SCN11A: variants seen among roughly 807,000 people sequenced by gnomAD.
The protein encoded by SCN11A is sodium voltage-gated channel alpha subunit 11, also known as sodium channel protein type 11 subunit alpha.
Under a neutral mutation model 162.2 loss-of-function variants are expected in SCN11A, and 122 were observed. That is an observed-to-expected ratio of 0.75 (90% CI 0.65 to 0.87). SCN11A has a LOEUF of 0.87. Among genes scored for constraint, SCN11A ranks in the 40% least tolerant of loss-of-function variants. The pLI, the probability that SCN11A is intolerant of heterozygous loss-of-function variation, is 0.00. For synonymous variants in SCN11A, 758 were observed against 751.5 expected, an observed-to-expected ratio of 1.01 and a Z score of -0.14; for missense variants, 2,015 against 2,181.6, an observed-to-expected ratio of 0.92 and a Z score of 1.52.
chr3:38,861,989 A>T (rs1218055273), intron 28 of SCN11A, among the ~76,000 whole-genome samples: 1 of 152,180 alleles, frequency 6.6e-6, no homozygotes, highest in Non-Finnish European at 1.5e-5. Context: ...CAAACTATGC[A>T]TCTGACAAAA....
At chr3:39,011,093 G>A (rs943400640) in intron 2 of SCN11A, among the ~76,000 whole-genome samples, 1 of 152,104 alleles carries the variant, frequency 6.6e-6, no homozygotes, top group Non-Finnish European at 1.5e-5. Flanking sequence ...GAGAAAGGAG[G>A]GCATTTATTT....
At chr3:38,853,603 G>A (rs906368962) in intron 28 of SCN11A, among the ~76,000 whole-genome samples, 14 of 151,874 alleles carry the variant, frequency 9.2e-5, no homozygotes, top group African/African-American at 2.9e-4. Flanking sequence ...ATATTTTTTT[G>A]TTCAATAAAT....
intron 3 of SCN11A, among the ~76,000 whole-genome samples, chr3:38,957,301 C>A (rs1202768202): frequency 1.3e-5 from 2 of 152,094 alleles, no homozygotes; most frequent in Non-Finnish European, 2.9e-5. Context: ...ACGTTATATC[C>A]TTCTCAACAT....
chr3:38,927,256 CT>C (rs1425568513), intron 7 of SCN11A, among the ~76,000 whole-genome samples: 4 of 152,148 alleles, frequency 2.6e-5, no homozygotes, highest in African/African-American at 9.7e-5. Context: ...AGAGCTGTCA[CT>C]CTGATGTACA....
intron 19 of SCN11A, among the ~76,000 whole-genome samples, chr3:38,889,866 A>C (rs561242141): frequency 7.2e-6 from 1 of 138,886 alleles, no homozygotes; most frequent in East Asian, 2.1e-4. Flanking sequence ...ATAAAATAAA[A>C]TAAAGAAATA....
At chr3:38,851,082 T>C (rs2064771694) in intron 28 of SCN11A, among the ~76,000 whole-genome samples, 1 of 152,208 alleles carries the variant, frequency 6.6e-6, no homozygotes, top group African/African-American at 2.4e-5. Flanking sequence ...ACAGTGCATG[T>C]TGGATTTAAT....
At chr3:38,915,786 G>T (rs1269214547) in intron 11 of SCN11A, among the ~76,000 whole-genome samples, 1 of 152,076 alleles carries the variant, frequency 6.6e-6, no homozygotes, top group Non-Finnish European at 1.5e-5. Context: ...TGTTGTTTTG[G>T]GGTGGAGAGT....
At chr3:39,039,688 C>G (rs535757786) in intron 1 of SCN11A, among the ~76,000 whole-genome samples, 2 of 152,136 alleles carry the variant, frequency 1.3e-5, no homozygotes, top group African/African-American at 4.8e-5. Context: ...GCCTGGCCAG[C>G]CACCTGGTAC....
At chr3:38,943,725 T>C (rs1321889180) in intron 7 of SCN11A, among the ~76,000 whole-genome samples, 1 of 152,118 alleles carries the variant, frequency 6.6e-6, no homozygotes, top group East Asian at 1.9e-4. Context: ...CTAAATCAAA[T>C]ATTTCATGTT....
Position 38,847,052 on chromosome 3 carries a change from G to A in SCN11A, c.5018C>T (p.Pro1673Leu). The A allele has an allele frequency of 1.9e-6, 3 of 1,613,982 alleles. No homozygotes were observed. The highest frequency in any genetic ancestry group is 2.5e-6 in the Non-Finnish European group (3 of 1,179,998). Reference protein sequence around the residue: ...NKYQFLVMDLPMVSEDRLHCM... With the variant: ...NKYQFLVMDLLMVSEDRLHCM... ...GTGGAGGCGATCTTCACTCACCATGGGCAAGTCCATTACTAGAAATTGATA... is the reference window on the plus strand; with the variant it reads ...GTGGAGGCGATCTTCACTCACCATGAGCAAGTCCATTACTAGAAATTGATA... The change falls in exon 30 of 30, where the codon CCC becomes CTC. Residue 1673 changes from proline to leucine, a missense_variant. Pro to Leu is a moderately conservative substitution (Grantham distance 98). Coordinates refer to ENST00000302328, the MANE Select transcript of SCN11A (RefSeq NM_001349253.2).
At chr3:38,969,161 G>A (rs2066802034) in intron 2 of SCN11A, among the ~76,000 whole-genome samples, 2 of 152,226 alleles carry the variant, frequency 1.3e-5, no homozygotes. Flanking sequence ...CAGGCATGCT[G>A]CCAGACTGAG....
intron 1 of SCN11A, among the ~76,000 whole-genome samples, chr3:39,047,325 G>A (rs187001298): frequency 5.2e-4 from 79 of 151,914 alleles, no homozygotes; most frequent in African/African-American, 1.9e-3. Flanking sequence ...CCCCCTATAT[G>A]AAAAGGAAAG....
intron 7 of SCN11A, among the ~76,000 whole-genome samples, chr3:38,938,131 C>CA (rs1374829382): frequency 9.9e-5 from 15 of 151,654 alleles, no homozygotes; most frequent in Admixed American, 9.9e-4. Context: ...ATCGCAAGAA[C>CA]AAAAAACCAA....
At chr3:38,968,506 A>C (rs1273286209) in intron 2 of SCN11A, among the ~76,000 whole-genome samples, 1 of 152,244 alleles carries the variant, frequency 6.6e-6, no homozygotes, top group Non-Finnish European at 1.5e-5. Flanking sequence ...ACATTCTAAA[A>C]TGTTATACAA....
chr3:38,873,686 C>G (rs937580656), intron 23 of SCN11A, among the ~76,000 whole-genome samples: 6 of 152,182 alleles, frequency 3.9e-5, no homozygotes, highest in Non-Finnish European at 7.3e-5. Context: ...TTACCTTAAA[C>G]CTTACCCAAG....
chr3:38,866,408 C>T (rs1010144866), intron 27 of SCN11A, among the ~76,000 whole-genome samples: 7 of 152,190 alleles, frequency 4.6e-5, no homozygotes, highest in South Asian at 4.1e-4. Flanking sequence ...TTAGTAGAGA[C>T]TGGGTTTCAC....
intron 22 of SCN11A, among the ~76,000 whole-genome samples, chr3:38,881,580 T>C (rs2065310747): frequency 6.6e-6 from 1 of 151,962 alleles, no homozygotes. Context: ...TAGACCAGAG[T>C]TTCTCAAACT....
chr3:38,954,342 C>T (rs999494001), intron 3 of SCN11A, among the ~76,000 whole-genome samples: 5 of 152,170 alleles, frequency 3.3e-5, no homozygotes, highest in African/African-American at 1.2e-4. Flanking sequence ...TTGCAGTGAA[C>T]ACAATATGGA....
At position 38,967,164 on chromosome 3, in the gene SCN11A, G is replaced by A. The variant is rs1445272529; in HGVS notation, c.-279-6741C>T. Among the ~76,000 whole-genome samples the A allele has an allele frequency of 3.3e-5, 5 of 152,168 alleles. No individual in the cohort carries two copies. In the East Asian group the frequency reaches 9.6e-4, roughly 29 times the overall value. ...CATTCCCTATTGTCAGAGATGCCAT[G>A]GTAACCAGCCTCCAAGGCAGCCCAA... On this transcript the variant is annotated intron_variant, in intron 2 of 29. Coordinates refer to ENST00000302328, the MANE Select transcript of SCN11A (RefSeq NM_001349253.2).
Sources: gnomAD v4.1 joint callset for allele counts (sites outside exome capture counted in the v4.1 genomes callset) on GRCh38, gnomAD v4.1.1 for gene constraint, MANE v1.5 for transcripts, NCBI Gene and HGNC (gene_info 2026-07-23, HGNC 2026-07-21) for gene names.